The following ALDH1L1 variants were observed in gnomAD, a reference collection of about 807,000 sequenced individuals.
ALDH1L1 encodes the protein cytosolic 10-formyltetrahydrofolate dehydrogenase.
A neutral mutation model predicts 101.1 loss-of-function variants in ALDH1L1; 68 were observed. The observed-to-expected ratio is 0.67, with a 90% CI of 0.55 to 0.82. The LOEUF is 0.82. ALDH1L1 is among the 40% of genes least tolerant of loss of function. The pLI is 0.00. For synonymous variants in ALDH1L1, 486 were observed against 470.8 expected (o/e 1.03, Z -0.42); for missense variants, 1,087 against 1,172.7 (o/e 0.93, Z 1.07).
intron 16 of ALDH1L1, 103 bp downstream of exon 16, chr3:126,124,261 C>A: frequency 9.3e-7 from 1 of 1,073,836 alleles, no homozygotes; most frequent in Non-Finnish European, 1.3e-6. Flanking sequence ...GGGCTCTCCC[C>A]AGGCTACTCT....
Position 126,125,670 on chromosome 3 carries a change from C to T in ALDH1L1, c.1746G>A (p.Trp582Ter). Reference protein sequence around the residue: ...PWNYPLMMLSWKTAACLAAGN... With the variant: ...PWNYPLMMLS ...CGGCAGCCAGGCAGGCAGCTGTCTT[C>T]CAGGACAGCATCATCAGGGGATAGT... The change falls in exon 15 of 23, where the codon TGG (tryptophan) becomes TGA (stop). Residue 582 changes from tryptophan (W) to a stop codon, truncating the protein, a stop_gained. Coordinates refer to ENST00000393434, the MANE Select transcript of ALDH1L1 (RefSeq NM_012190.4). LOFTEE classifies it high-confidence loss of function. 1 of 1,599,964 alleles carries T rather than the reference C, an allele frequency of 6.3e-7. No individual in the cohort carries two copies. Among genetic ancestry groups the T allele is most frequent in the African/African-American group, 1.3e-5 (1 of 74,526 alleles).
chr3:126,190,321 T>C (rs2081544505), intron 1 of ALDH1L1, among the ~76,000 whole-genome samples: 1 of 152,208 alleles, frequency 6.6e-6, no homozygotes, highest in African/African-American at 2.4e-5. Context: ...AAATCAAACA[T>C]TGGCTATCAA....
chr3:126,161,039 G>A (rs1168010651), intron 1 of ALDH1L1, 37 bp from the exon 2 acceptor site: 26 of 1,604,074 alleles, frequency 1.6e-5, no homozygotes, highest in Middle Eastern at 1.7e-4. Flanking sequence ...GACAGAGATC[G>A]CTGGTCTCAG....
At chr3:126,115,461 G>A (rs973734796) in intron 17 of ALDH1L1, 4 of 167,070 alleles carry the variant, frequency 2.4e-5, no homozygotes, top group African/African-American at 9.6e-5. Context: ...GGGGCAGGAA[G>A]CTGCTCAGAG....
intron 10 of ALDH1L1, among the ~76,000 whole-genome samples, chr3:126,137,106 T>C (rs187494573): frequency 3.8e-4 from 58 of 152,012 alleles, no homozygotes; most frequent in African/African-American, 1.3e-3. Flanking sequence ...CACCTTGGGC[T>C]GGCTCCTCAG....
At chr3:126,124,663 G>C (rs2080145052) in intron 15 of ALDH1L1, among the ~76,000 whole-genome samples, 1 of 152,168 alleles carries the variant, frequency 6.6e-6, no homozygotes, top group African/African-American at 2.4e-5. Context: ...ATCAGGGTGG[G>C]CCAACATCTG....
At chr3:126,152,929 G>A (rs1219290901) in intron 7 of ALDH1L1, 1 of 232,116 alleles carries the variant, frequency 4.3e-6, no homozygotes, top group Non-Finnish European at 8.5e-6. Context: ...TATAAAAGGT[G>A]CTCCATCAGT....
At chr3:126,145,911 G>A (rs544012748) in intron 9 of ALDH1L1, among the ~76,000 whole-genome samples, 39 of 152,160 alleles carry the variant, frequency 2.6e-4, no homozygotes, top group East Asian at 3.9e-4. Flanking sequence ...TCCTCAGCTC[G>A]GTAGCTGTAC....
At chr3:126,176,556 G>C (rs541401711) in intron 1 of ALDH1L1, among the ~76,000 whole-genome samples, 5 of 152,266 alleles carry the variant, frequency 3.3e-5, no homozygotes, top group African/African-American at 1.2e-4. Context: ...CTTTGACAAA[G>C]AGACAAAGGC....
chr3:126,107,033 G>T, intron 21 of ALDH1L1, 108 bp downstream of exon 21: 1 of 1,017,744 alleles, frequency 9.8e-7, no homozygotes, highest in Non-Finnish European at 1.5e-6. Flanking sequence ...CGCCCTGCCT[G>T]AGTTCTCCTC....
At chr3:126,106,068 A>ATTGGG in intron 21 of ALDH1L1, 143 bp from the exon 22 acceptor site, 1 of 879,874 alleles carries the variant, frequency 1.1e-6, no homozygotes, top group Non-Finnish European at 1.7e-6. Flanking sequence ...CGGGGGCAAG[A>ATTGGG]TTGGGTTGGG....
At chr3:126,181,120 C>T (rs1322303450), upstream of ALDH1L1, 8 of 932,554 alleles carry the variant, frequency 8.6e-6, no homozygotes, top group Non-Finnish European at 1.2e-5. Context: ...GAAAAACAGC[C>T]CCTGGTTTTC....
intron 1 of ALDH1L1, among the ~76,000 whole-genome samples, chr3:126,177,560 G>A (rs1576501050): frequency 1.3e-5 from 2 of 152,244 alleles, no homozygotes; most frequent in Admixed American, 1.3e-4. Context: ...TAGGGGGGTT[G>A]GGGGGTGGAT....
At chr3:126,115,137 A>C in intron 17 of ALDH1L1, 1 of 456,324 alleles carries the variant, frequency 2.2e-6, no homozygotes, top group Non-Finnish European at 4.4e-6. Context: ...TGCTGCACAA[A>C]TTAAGGAATA....
chr3:126,153,560 T>C lies in ALDH1L1; in HGVS notation c.742A>G (p.Thr248Ala), dbSNP rs544225492. Residue 248 changes from threonine (T) to alanine (A), a missense_variant, in exon 7 of 23, where the codon ACG (threonine) becomes GCG (alanine). Physicochemically the swap from Thr to Ala is moderately conservative, Grantham distance 58. Coordinates refer to ENST00000393434, the MANE Select transcript of ALDH1L1 (RefSeq NM_012190.4). ...GGCACCAGGCCTGAAGTGTTCAGCGTTGAGTTGAAAAATGTCAGTTTCTGT... is the reference window on the plus strand; with the variant it reads ...GGCACCAGGCCTGAAGTGTTCAGCGCTGAGTTGAAAAATGTCAGTTTCTGT... Reference protein sequence around the residue: ...CEQKLTFFNSTLNTSGLVPEG... With the variant: ...CEQKLTFFNSALNTSGLVPEG... 41 of 1,612,928 alleles carry C rather than the reference T, an allele frequency of 2.5e-5. No homozygotes were observed. Among genetic ancestry groups the C allele is most frequent in the East Asian group, 6.7e-5 (3 of 44,842 alleles).
chr3:126,186,710 G>A (rs1454278660), intron 1 of ALDH1L1, among the ~76,000 whole-genome samples: 1 of 152,192 alleles, frequency 6.6e-6, no homozygotes, highest in Non-Finnish European at 1.5e-5. Context: ...AGAGAGGCCT[G>A]GGGCTGCAGC....
intron 12 of ALDH1L1, among the ~76,000 whole-genome samples, chr3:126,134,398 G>A (rs1325448646): frequency 2.0e-5 from 3 of 152,172 alleles, no homozygotes; most frequent in South Asian, 2.1e-4. Context: ...AAACGCGCAC[G>A]CAGGGCCCAG....
intron 16 of ALDH1L1, among the ~76,000 whole-genome samples, chr3:126,121,258 A>C (rs931949873): frequency 6.6e-6 from 1 of 152,232 alleles, no homozygotes; most frequent in Admixed American, 6.5e-5. Context: ...CGTAGCCTCC[A>C]GAGCTGCGCG....
intron 15 of ALDH1L1, among the ~76,000 whole-genome samples, chr3:126,125,410 A>C (rs55663056): frequency 6.6e-6 from 1 of 152,148 alleles, no homozygotes; most frequent in African/African-American, 2.4e-5. Context: ...GCCATGGCTG[A>C]AAAAGAGTCT....
Sources: allele counts gnomAD v4.1 joint callset (sites outside exome capture counted in the v4.1 genomes callset), GRCh38; gene constraint gnomAD v4.1.1; transcripts MANE v1.5; gene names NCBI Gene and HGNC (gene_info 2026-07-23, HGNC 2026-07-21).